Variants in LEMD3 observed in about 807,000 individuals in gnomAD.
LEMD3 encodes inner nuclear membrane protein Man1.
A neutral mutation model predicts 95.2 loss-of-function variants in LEMD3; 33 were observed. That is an observed-to-expected ratio of 0.35 (90% CI 0.26 to 0.46). The LOEUF (loss-of-function observed/expected upper bound fraction) is 0.46. LEMD3 is among the 20% of genes least tolerant of loss of function. The probability of loss-of-function intolerance (pLI) is 1.00; values close to 1 mark genes in which losing one functional copy is unlikely to be tolerated. For missense variants in LEMD3, 1,210 were observed against 1,192.8 expected (o/e 1.01, Z -0.21); for synonymous variants, 525 against 474.6 (o/e 1.11, Z -1.38).
intron 1 of LEMD3, among the ~76,000 whole-genome samples, chr12:65,189,803 GA>G (rs1278738330): frequency 1.3e-5 from 2 of 152,118 alleles, no homozygotes; most frequent in Non-Finnish European, 2.9e-5. Flanking sequence ...TGCTTTGCTG[GA>G]ATTTTTAAAG....
In LEMD3 at chr12:65,170,390, A is replaced by T. The variant is rs759468776; in HGVS notation, c.794A>T (p.Asp265Val). Residue 265 changes from aspartate to valine, a missense_variant, in exon 1 of 13, where the codon GAC becomes GTC. Physicochemically the swap from Asp to Val is radical, Grantham distance 152 (BLOSUM62 -3). This residue lies in a region of LEMD3 where 749 missense variants were observed against 622.9 expected (regional missense o/e 1.20). Coordinates refer to ENST00000308330, the MANE Select transcript of LEMD3 (RefSeq NM_014319.5). ...RENYSDSEEE[D>V]DDDVASSRQV... ...AACTATTCGGACTCAGAGGAAGAGG[A>T]CGACGACGACGTGGCCTCCAGCAGA... 6.2e-7 allele frequency: 1 copy of T among 1,613,938 alleles called. No individual in the cohort carries two copies. The highest frequency in any genetic ancestry group is 1.1e-5 in the South Asian group (1 of 91,058).
In LEMD3 at chr12:65,246,270, C is replaced by T. The variant is rs930472300; in HGVS notation, c.2681C>T (p.Ser894Phe). The part of the protein sequence containing the change: ...PLKPSNKHMN[S>F]MSHLRLRTGL... ...AAGCCATCAAATAAACATATGAACTCCATGTCTCATCTTCGTCTTCGGACT... is the reference window on the plus strand; with the variant it reads ...AAGCCATCAAATAAACATATGAACTTCATGTCTCATCTTCGTCTTCGGACT... The change falls in exon 13 of 13, where the codon TCC becomes TTC. Residue 894 changes from serine (S) to phenylalanine (F), a missense_variant. Transcript: ENST00000308330. The T allele has an allele frequency of 1.9e-6, 3 of 1,613,508 alleles. No homozygotes were observed. The highest frequency in any genetic ancestry group is 1.7e-6 in the Non-Finnish European group (2 of 1,179,540).
chr12:65,247,014 GTA>G lies in LEMD3; in HGVS notation c.*691_*692del, dbSNP rs1871132721. On this transcript the variant is annotated 3_prime_UTR_variant, in exon 13 of 13. Coordinates refer to ENST00000308330, the MANE Select transcript of LEMD3 (RefSeq NM_014319.5). ...CATAATCTAATGTGTGTGTATATAT[GTA>G]TGTGTGTATGTGTGTGTATATATAG... 6.5e-6 allele frequency: 1 copy of G among 152,954 alleles called. No individual in the cohort carries two copies. The allele number at this position is 152,954 out of a possible 1,614,324, so 9.5% of individuals were successfully genotyped here.
intron 4 of LEMD3, among the ~76,000 whole-genome samples, chr12:65,231,390 A>G (rs2136349402): frequency 6.6e-6 from 1 of 152,312 alleles, no homozygotes; most frequent in Non-Finnish European, 1.5e-5. Context: ...TCAACATAAA[A>G]TTAAATAATA....
At chr12:65,194,065 A>C (rs1869333199) in intron 1 of LEMD3, among the ~76,000 whole-genome samples, 1 of 152,122 alleles carries the variant, frequency 6.6e-6, no homozygotes, top group South Asian at 2.1e-4. Flanking sequence ...GATTTACCCA[A>C]GTTATGTGAA....
intron 1 of LEMD3, among the ~76,000 whole-genome samples, chr12:65,206,104 G>C (rs1466187510): frequency 6.6e-6 from 1 of 152,142 alleles, no homozygotes; most frequent in Non-Finnish European, 1.5e-5. Context: ...CACAGGTGCA[G>C]TGTTTTGCAG....
chr12:65,241,727 A>G (rs1274784719), intron 9 of LEMD3, among the ~76,000 whole-genome samples: 6 of 152,224 alleles, frequency 3.9e-5, no homozygotes, highest in South Asian at 2.1e-4. Context: ...CTTTTTCCCT[A>G]TAAAAGTATG....
In LEMD3 at chr12:65,239,949, G is replaced by A. The variant is rs1297889917; in HGVS notation, c.1942G>A (p.Val648Ile). The A allele has an allele frequency of 7.5e-6, 12 of 1,610,222 alleles. No homozygotes were observed. The highest frequency in any genetic ancestry group is 6.7e-5 in the African/African-American group (5 of 74,794). Residue 648 changes from valine to isoleucine, a missense_variant, in exon 7 of 13, where the codon GTT becomes ATT. Val to Ile is a conservative substitution (Grantham distance 29). Around this residue, in one of 2 missense-constraint regions of LEMD3, gnomAD observed 461 missense variants for 569.8 expected, o/e 0.81. Coordinates refer to ENST00000308330, the MANE Select transcript of LEMD3 (RefSeq NM_014319.5). Reference protein sequence around the residue: ...LCLGVVMVCVVLRYMKYRWTK... With the variant: ...LCLGVVMVCVILRYMKYRWTK... ...TACAGGTGTAGTGATGGTTTGTGTC[G>A]TTCTGCGTTACATGAAATATCGATG...
At chr12:65,185,012 C>G (rs1432295260) in intron 1 of LEMD3, among the ~76,000 whole-genome samples, 1 of 151,854 alleles carries the variant, frequency 6.6e-6, no homozygotes, top group Non-Finnish European at 1.5e-5. Flanking sequence ...GTGTCTTGCT[C>G]TGTTGCCCAG....
At chr12:65,195,907 G>A (rs1190497988) in intron 1 of LEMD3, among the ~76,000 whole-genome samples, 1 of 152,116 alleles carries the variant, frequency 6.6e-6, no homozygotes, top group Admixed American at 6.6e-5. Context: ...CAGTAGGGCA[G>A]ATTTTGGAGA....
At chr12:65,233,839 C>T (rs535069720) in intron 4 of LEMD3, among the ~76,000 whole-genome samples, 3 of 152,108 alleles carry the variant, frequency 2.0e-5, no homozygotes, top group Admixed American at 6.6e-5. Flanking sequence ...TTAAAGTACA[C>T]ATTTTTGACC....
intron 2 of LEMD3, 108 bp downstream of exon 2, chr12:65,211,071 T>G (rs537738516): frequency 1.2e-6 from 1 of 832,204 alleles, no homozygotes; most frequent in East Asian, 2.5e-5. Context: ...ATTTTAGTCT[T>G]AAACAATAGG....
intron 1 of LEMD3, among the ~76,000 whole-genome samples, chr12:65,210,139 G>C (rs1262049458): frequency 1.3e-5 from 2 of 151,780 alleles, no homozygotes; most frequent in African/African-American, 2.4e-5. Flanking sequence ...TGAAGGAGGG[G>C]CATAGGGGTT....
At chr12:65,172,871 G>A (rs1002626699) in intron 1 of LEMD3, among the ~76,000 whole-genome samples, 2 of 151,916 alleles carry the variant, frequency 1.3e-5, no homozygotes, top group Admixed American at 6.6e-5. Context: ...GACTACATGC[G>A]CGTGCCGCCA....
At chr12:65,245,382 G>A (rs1224525264) in intron 10 of LEMD3, 11 of 341,394 alleles carry the variant, frequency 3.2e-5, no homozygotes, top group South Asian at 1.6e-4. Flanking sequence ...CTCATGATCC[G>A]CCTGCCTCGG....
chr12:65,169,654 C>G lies in LEMD3; in HGVS notation c.58C>G (p.Gln20Glu), dbSNP rs748067865. ...GCTCTCGGATGAGGAGCTTTTCTCT[C>G]AGCTCCGCCGTTACGGCCTGTCTCC... Reference protein sequence around the residue: ...QQLSDEELFSQLRRYGLSPGP... With the variant: ...QQLSDEELFSELRRYGLSPGP... The change falls in exon 1 of 13, where the codon CAG becomes GAG. Residue 20 changes from glutamine (Q) to glutamate (E), a missense_variant. Physicochemically the swap from Gln to Glu is conservative, Grantham distance 29. Around this residue, in one of 2 missense-constraint regions of LEMD3, gnomAD observed 749 missense variants for 622.9 expected, o/e 1.20. Coordinates refer to ENST00000308330, the MANE Select transcript of LEMD3 (RefSeq NM_014319.5). 6.3e-7 allele frequency: 1 copy of G among 1,585,400 alleles called. No individual in the cohort carries two copies. Among genetic ancestry groups the G allele is most frequent in the Non-Finnish European group, 8.6e-7 (1 of 1,167,210 alleles).
At chr12:65,229,968 A>G (rs1191437054) in intron 4 of LEMD3, among the ~76,000 whole-genome samples, 1 of 152,172 alleles carries the variant, frequency 6.6e-6, no homozygotes, top group African/African-American at 2.4e-5. Flanking sequence ...TTAATTATTT[A>G]ATCCATTTTG....
At chr12:65,245,475 G>T in intron 10 of LEMD3, 194 bp from the exon 11 acceptor site, 1 of 563,706 alleles carries the variant, frequency 1.8e-6, no homozygotes. Flanking sequence ...GTGGGAGGAG[G>T]GCTGAGACTT....
At position 65,207,286 on chromosome 12, in the gene LEMD3, A is replaced by G. The variant is rs139335140; in HGVS notation, c.1523-3640A>G. ...GACCATAGTATGCCCTCAAGTTTCT[A>G]TTTGTTCAGCATGTGCATAGTACAC... On this transcript the variant is annotated intron_variant, in intron 1 of 12. Transcript: ENST00000308330. Among the ~76,000 whole-genome samples the G allele has an allele frequency of 1.8e-3, 276 of 152,122 alleles. 1 individual carries two copies. Among genetic ancestry groups the G allele is most frequent in the Non-Finnish European group, 2.9e-3 (197 of 67,982 alleles).
Sources: gnomAD v4.1 joint callset for allele counts (sites outside exome capture counted in the v4.1 genomes callset) on GRCh38, gnomAD v4.1.1 for gene constraint, gnomAD v4.1.1 regional missense constraint, MANE v1.5 for transcripts, NCBI Gene and HGNC (gene_info 2026-07-23, HGNC 2026-07-21) for gene names.